The following SLF1 variants were observed in gnomAD, a reference collection of about 807,000 sequenced individuals.
SLF1 encodes SMC5-SMC6 complex localization factor protein 1.
A neutral mutation model predicts 123.0 loss-of-function variants in SLF1; 105 were observed. The observed-to-expected ratio is 0.85, with a 90% CI of 0.73 to 1.00. The LOEUF is 1.00. SLF1 is among the 50% of genes least tolerant of loss of function. The pLI is 0.00. For synonymous variants in SLF1, 434 were observed against 406.6 expected, an observed-to-expected ratio of 1.07 and a Z score of -0.81; for missense variants, 1,239 against 1,223.0, an observed-to-expected ratio of 1.01 and a Z score of -0.20.
In SLF1 at chr5:94,692,088, A is replaced by G; in HGVS notation, c.2527A>G (p.Thr843Ala). 6.2e-7 allele frequency: 1 copy of G among 1,613,410 alleles called. No individual in the cohort carries two copies. The highest frequency in any genetic ancestry group is 8.5e-7 in the Non-Finnish European group (1 of 1,179,602). ...TTCTAATTTAGACAATGCTGGCTGG[A>G]CGCCTTTGCATGAAGCCTGTAACTA... The part of the protein sequence containing the change: ...DINVKDNAGW[T>A]PLHEACNYGN... The change falls in exon 20 of 21, where the codon ACG becomes GCG. Residue 843 changes from threonine to alanine, a missense_variant. Thr to Ala is a moderately conservative substitution (Grantham distance 58). Transcript: ENST00000265140.
At chr5:94,625,222 A>G (rs1792130782) in intron 1 of SLF1, among the ~76,000 whole-genome samples, 1 of 151,738 alleles carries the variant, frequency 6.6e-6, no homozygotes, top group African/African-American at 2.4e-5. Context: ...TTAAACAATA[A>G]AAAACTCTTG....
At position 94,695,431 on chromosome 5, in the gene SLF1, G is replaced by A; in HGVS notation, c.*119G>A. ...GATTTATTTATTGACAGACTTTGCA[G>A]CCTTGCTAAATTTTAAAAGCATTTT... On this transcript the variant is annotated 3_prime_UTR_variant, in exon 21 of 21. Coordinates refer to ENST00000265140, the MANE Select transcript of SLF1 (RefSeq NM_032290.4). The A allele has an allele frequency of 8.1e-7, 1 of 1,229,634 alleles. No individual in the cohort carries two copies. Among genetic ancestry groups the A allele is most frequent in the Non-Finnish European group, 1.1e-6 (1 of 941,340 alleles). 76.2% of individuals were successfully genotyped at this position (1,229,634 alleles called of 1,614,324 possible).
At chr5:94,678,623 GGAGA>G (rs1332293759) in intron 14 of SLF1, 181 bp from the exon 15 acceptor site, 10 of 482,786 alleles carry the variant, frequency 2.1e-5, no homozygotes, top group South Asian at 4.5e-5. Context: ...TTTGTCATGT[GGAGA>G]GAGAGAGAGA....
chr5:94,664,889 C>A (rs906734607), intron 11 of SLF1, among the ~76,000 whole-genome samples: 1 of 152,122 alleles, frequency 6.6e-6, no homozygotes, highest in African/African-American at 2.4e-5. Context: ...TCAGAACCTG[C>A]ACTTATAGGA....
chr5:94,651,785 T>G lies in SLF1; in HGVS notation c.822T>G (p.Ser274Arg), dbSNP rs1247528553. Residue 274 changes from serine to arginine, a missense_variant, in exon 7 of 21, where the codon AGT becomes AGG. Ser to Arg is a moderately radical substitution (Grantham distance 110). Coordinates refer to ENST00000265140, the MANE Select transcript of SLF1 (RefSeq NM_032290.4). ...AAAAAGAAAAATTCAGTGGTTCCAG[T>G]AAAGATTTGAAATTTGTTAAAATGA... is the stretch of plus-strand genomic sequence containing the variant. Reference protein sequence around the residue: ...HHKKEKFSGSSKDLKFVKMRN... With the variant: ...HHKKEKFSGSRKDLKFVKMRN... 11 of 1,522,028 alleles carry G rather than the reference T, an allele frequency of 7.2e-6. No individual in the cohort carries two copies. In the East Asian group the frequency reaches 1.0e-4, roughly 14 times the overall value. 94.3% of individuals were successfully genotyped at this position (1,522,028 alleles called of 1,614,324 possible).
chr5:94,648,278 G>C (rs928630699), intron 5 of SLF1, among the ~76,000 whole-genome samples: 1 of 152,174 alleles, frequency 6.6e-6, no homozygotes, highest in Non-Finnish European at 1.5e-5. Flanking sequence ...AATTCAATCA[G>C]CTATTCTCAG....
intron 1 of SLF1, among the ~76,000 whole-genome samples, chr5:94,621,991 G>C (rs1199765229): frequency 6.6e-6 from 1 of 152,060 alleles, no homozygotes; most frequent in African/African-American, 2.4e-5. Context: ...AAGTCTGAAG[G>C]CCAGCTGAAT....
chr5:94,691,420 A>C, intron 18 of SLF1, 144 bp from the exon 19 acceptor site: 2 of 217,606 alleles, frequency 9.2e-6, no homozygotes, highest in Non-Finnish European at 1.8e-5. Context: ...TTTTAAATGC[A>C]GGGGATGTTT....
intron 15 of SLF1, among the ~76,000 whole-genome samples, chr5:94,683,424 T>G (rs1752051187): frequency 6.6e-6 from 1 of 152,174 alleles, no homozygotes; most frequent in African/African-American, 2.4e-5. Context: ...TTATTTTTAC[T>G]TTTGGAACTT....
chr5:94,644,520 A>G lies in SLF1; in HGVS notation c.594+1085A>G, dbSNP rs555351668. Among the ~76,000 whole-genome samples, 7 of 152,270 alleles carry G rather than the reference A, an allele frequency of 4.6e-5. No homozygotes were observed. In the East Asian group the frequency reaches 1.2e-3, roughly 25 times the overall value. On this transcript the variant is annotated intron_variant, in intron 5 of 20. Transcript: ENST00000265140. ...CACTCTTATCTATGCTCACTATGCT[A>G]TATGAAAACTCCTTCTCCCAGTGTC...
intron 4 of SLF1, among the ~76,000 whole-genome samples, chr5:94,640,133 T>C (rs1353776246): frequency 6.6e-6 from 1 of 152,238 alleles, no homozygotes; most frequent in Non-Finnish European, 1.5e-5. Context: ...TCCTCTGGTA[T>C]CATACCTTTT....
At chr5:94,641,765 C>G (rs565679531) in intron 4 of SLF1, among the ~76,000 whole-genome samples, 1 of 152,342 alleles carries the variant, frequency 6.6e-6, no homozygotes, top group East Asian at 1.9e-4. Context: ...CACCCTTAAG[C>G]ATTTTCCATA....
chr5:94,667,053 G>T (rs1423836774), intron 12 of SLF1, among the ~76,000 whole-genome samples: 1 of 149,558 alleles, frequency 6.7e-6, no homozygotes, highest in Non-Finnish European at 1.5e-5. Context: ...TAGACCTCTG[G>T]TTAGCTCTTT....
chr5:94,639,191 C>T (rs1187057059), intron 4 of SLF1, among the ~76,000 whole-genome samples: 2 of 151,988 alleles, frequency 1.3e-5, no homozygotes, highest in African/African-American at 4.8e-5. Context: ...AGGTGCACAT[C>T]ACCATGCTCG....
At chr5:94,659,463 C>G (rs953521511) in intron 9 of SLF1, among the ~76,000 whole-genome samples, 1 of 152,278 alleles carries the variant, frequency 6.6e-6, no homozygotes, top group Admixed American at 6.5e-5. Context: ...ACAGTCACTT[C>G]AAATTTTGTG....
chr5:94,662,991 A>G (rs931696264), intron 10 of SLF1, among the ~76,000 whole-genome samples: 1 of 152,214 alleles, frequency 6.6e-6, no homozygotes, highest in African/African-American at 2.4e-5. Flanking sequence ...GAGTGATTTT[A>G]TGATTCTCCC....
intron 7 of SLF1, among the ~76,000 whole-genome samples, chr5:94,652,337 T>G (rs1365292038): frequency 1.3e-5 from 2 of 152,134 alleles, no homozygotes; most frequent in Non-Finnish European, 2.9e-5. Flanking sequence ...TGCATCCCCT[T>G]TCTCCCTCTT....
At chr5:94,622,359 A>T (rs980491415) in intron 1 of SLF1, among the ~76,000 whole-genome samples, 1 of 152,228 alleles carries the variant, frequency 6.6e-6, no homozygotes, top group Non-Finnish European at 1.5e-5. Flanking sequence ...GTTTAAAATC[A>T]AAAGAATTCA....
chr5:94,682,798 T>C (rs1313238141), intron 15 of SLF1, among the ~76,000 whole-genome samples: 1 of 152,242 alleles, frequency 6.6e-6, no homozygotes, highest in African/African-American at 2.4e-5. Flanking sequence ...TTTTTATGCC[T>C]GATTGAAATT....
Sources: allele counts gnomAD v4.1 joint callset (sites outside exome capture counted in the v4.1 genomes callset), GRCh38; gene constraint gnomAD v4.1.1; transcripts MANE v1.5; gene names NCBI Gene and HGNC (gene_info 2026-07-23, HGNC 2026-07-21).